Variants in SLC20A2 observed in about 807,000 individuals in gnomAD.
The protein encoded by SLC20A2 is sodium-dependent phosphate transporter 2.
Under a neutral mutation model 61.0 loss-of-function variants are expected in SLC20A2, and 30 were observed. The observed-to-expected ratio is 0.49, with a 90% confidence interval of 0.37 to 0.67. The LOEUF (loss-of-function observed/expected upper bound fraction) is 0.67. SLC20A2 is among the 30% of genes least tolerant of loss of function. The pLI is 0.00. For synonymous variants in SLC20A2, 351 were observed against 353.3 expected (o/e 0.99, Z 0.07); for missense variants, 626 against 866.4 (o/e 0.72, Z 3.48).
intron 1 of SLC20A2, among the ~76,000 whole-genome samples, chr8:42,509,313 A>T (rs1810899789): frequency 6.6e-6 from 1 of 152,184 alleles, no homozygotes; most frequent in Non-Finnish European, 1.5e-5. Context: ...ACAAGGTCAG[A>T]CACGTTCCAT....
intron 5 of SLC20A2, among the ~76,000 whole-genome samples, chr8:42,450,817 C>T (rs889970603): frequency 2.0e-5 from 3 of 152,160 alleles, no homozygotes; most frequent in Non-Finnish European, 4.4e-5. Flanking sequence ...GAGCCATGAG[C>T]CTGGCTGGTA....
intron 10 of SLC20A2, among the ~76,000 whole-genome samples, chr8:42,421,506 T>G (rs1402382624): frequency 6.6e-6 from 1 of 152,238 alleles, no homozygotes; most frequent in Non-Finnish European, 1.5e-5. Flanking sequence ...AGTAGTGTTT[T>G]AGAAATACTG....
At chr8:42,484,302 C>G (rs1372371920) in intron 1 of SLC20A2, among the ~76,000 whole-genome samples, 1 of 152,190 alleles carries the variant, frequency 6.6e-6, no homozygotes, top group Non-Finnish European at 1.5e-5. Flanking sequence ...ACACACTAAA[C>G]AAGGCAATAT....
In SLC20A2 at chr8:42,472,470, G is replaced by A; in HGVS notation, c.-80C>T. The stretch of plus-strand genomic sequence containing the variant: ...AAGCTTGAGGTTATAAACTTCGTAA[G>A]GCCAAGAGTTCTTGTAAACAGTGAG... On this transcript the variant is annotated 5_prime_UTR_variant, in exon 2 of 11. Transcript: ENST00000520262. This position sits in a 1 kb window ranked among gnomAD's most constrained non-coding sequence, Gnocchi z 4.1. 7.7e-7 allele frequency: 1 copy of A among 1,305,882 alleles called. No homozygotes were observed. The highest frequency in any genetic ancestry group is 2.4e-5 in the East Asian group (1 of 41,864). 80.9% of individuals were successfully genotyped at this position (1,305,882 alleles called of 1,614,324 possible).
At chr8:42,531,207 A>AT (rs1563553381) in intron 1 of SLC20A2, among the ~76,000 whole-genome samples, 2 of 152,212 alleles carry the variant, frequency 1.3e-5, no homozygotes, top group Admixed American at 1.3e-4. Flanking sequence ...GCACATCTAC[A>AT]TAAGTTCCTT....
intron 1 of SLC20A2, among the ~76,000 whole-genome samples, chr8:42,513,298 G>C (rs1360424223): frequency 6.6e-6 from 1 of 152,110 alleles, no homozygotes; most frequent in African/African-American, 2.4e-5. Flanking sequence ...CAATCCACTG[G>C]GCAGAATTAA....
chr8:42,471,850 C>T (rs1453306864), intron 2 of SLC20A2, among the ~76,000 whole-genome samples: 1 of 152,194 alleles, frequency 6.6e-6, no homozygotes, highest in Admixed American at 6.5e-5. Flanking sequence ...GAAAAGTATT[C>T]ACTTAGCTGA....
intron 2 of SLC20A2, among the ~76,000 whole-genome samples, chr8:42,468,720 TCAGGCTC>T (rs1481194864): frequency 1.4e-5 from 2 of 146,394 alleles, no homozygotes; most frequent in African/African-American, 5.1e-5. Context: ...GAGCAAAGGC[TCAGGCTC>T]CAGGGAGGCT....
chr8:42,497,219 C>A (rs1809993137), intron 1 of SLC20A2, among the ~76,000 whole-genome samples: 1 of 152,198 alleles, frequency 6.6e-6, no homozygotes, highest in Non-Finnish European at 1.5e-5. Context: ...ATTGAAAACA[C>A]TGCAAACAAA....
At chr8:42,485,902 C>T (rs187794569) in intron 1 of SLC20A2, among the ~76,000 whole-genome samples, 2,308 of 150,022 alleles carry the variant, frequency 0.015, 62 homozygotes, top group African/African-American at 0.054. Context: ...GCCGAGATTG[C>T]GCTGCTGCAC....
At chr8:42,425,323 A>G (rs1803324457) in intron 10 of SLC20A2, among the ~76,000 whole-genome samples, 1 of 152,192 alleles carries the variant, frequency 6.6e-6, no homozygotes, top group Non-Finnish European at 1.5e-5. Flanking sequence ...CCAGATTCAC[A>G]GTCTCACTTA....
chr8:42,527,763 C>A (rs775405363), intron 1 of SLC20A2, among the ~76,000 whole-genome samples: 1 of 150,522 alleles, frequency 6.6e-6, no homozygotes, highest in Non-Finnish European at 1.5e-5. Context: ...AGCGAAACTC[C>A]GTCTCAAAAA....
chr8:42,439,752 T>A, intron 6 of SLC20A2, 99 bp from the exon 7 acceptor site: 2 of 947,582 alleles, frequency 2.1e-6, no homozygotes, highest in Non-Finnish European at 3.2e-6. Flanking sequence ...GCTTTAGCAC[T>A]GATTTTGGAA....
intron 5 of SLC20A2, among the ~76,000 whole-genome samples, chr8:42,447,640 G>A (rs557938028): frequency 2.6e-5 from 4 of 152,290 alleles, no homozygotes; most frequent in African/African-American, 4.8e-5. Context: ...TCACGCCACT[G>A]CACTCCAGCC....
At chr8:42,469,901 C>A (rs924699441) in intron 2 of SLC20A2, among the ~76,000 whole-genome samples, 2 of 150,634 alleles carry the variant, frequency 1.3e-5, no homozygotes, top group Middle Eastern at 3.2e-3. Flanking sequence ...GCACTCCAGC[C>A]TGGGCAACAA....
chr8:42,429,840 C>T (rs967763361), intron 9 of SLC20A2, among the ~76,000 whole-genome samples: 2 of 152,194 alleles, frequency 1.3e-5, no homozygotes, highest in Non-Finnish European at 2.9e-5. Context: ...GTCTGCCCTT[C>T]CCACTCCTCA....
intron 1 of SLC20A2, among the ~76,000 whole-genome samples, chr8:42,518,646 G>GT (rs1226384109): frequency 6.6e-6 from 1 of 152,182 alleles, no homozygotes; most frequent in Non-Finnish European, 1.5e-5. Flanking sequence ...CAAGTAAATA[G>GT]TTTTACAAAG....
intron 5 of SLC20A2, among the ~76,000 whole-genome samples, chr8:42,450,975 C>T (rs545124085): frequency 7.2e-5 from 11 of 152,324 alleles, no homozygotes; most frequent in Non-Finnish European, 1.2e-4. Context: ...ATCACTGTAA[C>T]GGCAATTTCT....
intron 2 of SLC20A2, among the ~76,000 whole-genome samples, chr8:42,466,656 C>T (rs1314737148): frequency 6.6e-6 from 1 of 151,848 alleles, no homozygotes; most frequent in African/African-American, 2.4e-5. Flanking sequence ...TACCATGTTG[C>T]TTTTTTCTTT....
Sources: allele counts gnomAD v4.1 joint callset (sites outside exome capture counted in the v4.1 genomes callset), GRCh38; gene constraint gnomAD v4.1.1; non-coding constraint Gnocchi (gnomAD v3.1); transcripts MANE v1.5; gene names NCBI Gene and HGNC (gene_info 2026-07-23, HGNC 2026-07-21).